The following CEP131 variants were observed in gnomAD, a reference collection of about 807,000 sequenced individuals.
CEP131 encodes the protein centrosomal protein of 131 kDa.
In CEP131, 99 loss-of-function variants were observed where a neutral mutation model predicts 136.8. The observed-to-expected ratio is 0.72, with a 90% CI of 0.62 to 0.86. The LOEUF is 0.86. Among genes scored for constraint, CEP131 ranks in the 40% least tolerant of loss-of-function variants. The pLI, the probability that CEP131 is intolerant of heterozygous loss-of-function variation, is 0.00. For synonymous variants in CEP131, 646 were observed against 612.7 expected (o/e 1.05, Z -0.80); for missense variants, 1,459 against 1,463.0 (o/e 1.00, Z 0.04).
Position 81,194,990 on chromosome 17 carries a change from C to T in CEP131, c.2017-18G>A. On this transcript the variant is annotated intron_variant, in intron 16 of 25. Coordinates refer to ENST00000450824, the MANE Select transcript of CEP131 (RefSeq NM_014984.4). The stretch of plus-strand genomic sequence containing the variant: ...TTAATCTCCTACGAGCAGAACAGGG[C>T]AGGAGGAAACGACACGAAGGACACC... 1 of 1,595,900 alleles carries T rather than the reference C, an allele frequency of 6.3e-7. No individual in the cohort carries two copies. Among genetic ancestry groups the T allele is most frequent in the Non-Finnish European group, 8.6e-7 (1 of 1,169,534 alleles).
At chr17:81,191,164 C>A (rs751045772) in intron 22 of CEP131, 29 bp downstream of exon 22, 1 of 1,610,226 alleles carries the variant, frequency 6.2e-7, no homozygotes, top group African/African-American at 1.3e-5. Context: ...GCCTCCCCAG[C>A]TGGTGACCCA....
chr17:81,199,081 A>G (rs1307749558), intron 10 of CEP131, 110 bp from the exon 11 acceptor site: 3 of 1,112,056 alleles, frequency 2.7e-6, no homozygotes, highest in Non-Finnish European at 3.7e-6. Context: ...AGGCGACCCC[A>G]GAAGCAGAGG....
At position 81,202,733 on chromosome 17, in the gene CEP131, G is replaced by A. The variant is rs138878874; in HGVS notation, c.630-335C>T. Among the ~76,000 whole-genome samples the A allele has an allele frequency of 4.5e-3, 682 of 152,276 alleles. 1 individual carries two copies. Among genetic ancestry groups the A allele is most frequent in the Non-Finnish European group, 5.5e-3 (375 of 68,024 alleles). The stretch of plus-strand genomic sequence containing the variant: ...TCCCAGCACTTTGGGAGGCCAAAGC[G>A]GGCGGATCACCTGAGGTCACGAGTT... On this transcript the variant is annotated intron_variant, in intron 6 of 25. Transcript: ENST00000450824.
chr17:81,217,150 A>G (rs1445619262), intron 2 of CEP131, among the ~76,000 whole-genome samples: 1 of 152,206 alleles, frequency 6.6e-6, no homozygotes, highest in African/African-American at 2.4e-5. Context: ...AGGGAACCAG[A>G]GTGAATAATG....
chr17:81,220,791 G>A (rs1262075919), intron 1 of CEP131, among the ~76,000 whole-genome samples: 5 of 149,490 alleles, frequency 3.3e-5, no homozygotes, highest in Admixed American at 2.0e-4. Context: ...ATGAGCCACC[G>A]TACCCGGCCC....
rs547389333 is a variant in CEP131, at chr17:81,219,542, C to T, written c.177+338G>A. The stretch of plus-strand genomic sequence containing the variant: ...TGAACTGCTGACCTCAGATGACCCG[C>T]CTGCCTCGGCCTCCCAAAGTGCTGA... On this transcript the variant is annotated intron_variant, in intron 2 of 25. Coordinates refer to ENST00000450824, the MANE Select transcript of CEP131 (RefSeq NM_014984.4). This position sits in a 1 kb window ranked among gnomAD's most constrained non-coding sequence, Gnocchi z 4.0. Among the ~76,000 whole-genome samples the T allele has an allele frequency of 2.6e-5, 4 of 152,236 alleles. No individual in the cohort carries two copies. The South Asian group carries it at 8.3e-4, about 32-fold the overall frequency.
At chr17:81,193,602 C>T (rs1168587656) in intron 18 of CEP131, among the ~76,000 whole-genome samples, 1 of 152,216 alleles carries the variant, frequency 6.6e-6, no homozygotes, top group Non-Finnish European at 1.5e-5. Context: ...GGCCGCCTAT[C>T]CACGGGTTGC....
At chr17:81,192,246 GGGGCAGCCCCCAACTCCTGCCCACGCA>G (rs1041619184) in intron 21 of CEP131, 45 bp downstream of exon 21, 197 of 1,446,890 alleles carry the variant, frequency 1.4e-4, no homozygotes, top group Admixed American at 3.7e-4. Flanking sequence ...AAACCCACCT[GGGGCAGCCCCCAACTCCTGCCCACGCA>G]GGGCAGCCCC....
At chr17:81,197,672 C>T (rs2146546667) in intron 13 of CEP131, 40 bp downstream of exon 13, 1 of 1,580,478 alleles carries the variant, frequency 6.3e-7, no homozygotes, top group South Asian at 1.1e-5. Flanking sequence ...TGAGGGGCCT[C>T]CTCCCACTGG....
At position 81,190,823 on chromosome 17, in the gene CEP131, G is replaced by C. The variant is rs746761505; in HGVS notation, c.2944-21C>G. ...TTCACCTGGGTGGGCACAGAAGGCA[G>C]TGAGCCGGCTGCCAGCGACTGGCTG... is the stretch of plus-strand genomic sequence containing the variant. On this transcript the variant is annotated intron_variant, in intron 23 of 25. Coordinates refer to ENST00000450824, the MANE Select transcript of CEP131 (RefSeq NM_014984.4). 6 of 1,594,934 alleles carry C rather than the reference G, an allele frequency of 3.8e-6. No homozygotes were observed. In the South Asian group the frequency reaches 5.6e-5, roughly 15 times the overall value.
chr17:81,199,888 G>T, intron 8 of CEP131, 53 bp from the exon 9 acceptor site: 1 of 1,574,338 alleles, frequency 6.4e-7, no homozygotes, highest in South Asian at 1.1e-5. Context: ...ACGGAATCCA[G>T]ACCCAGACCA....
In CEP131 at chr17:81,208,943, C is replaced by G. The variant is rs143028785; in HGVS notation, c.257G>C (p.Arg86Pro). 1.2e-6 allele frequency: 2 copies of G among 1,613,718 alleles called. No homozygotes were observed. The highest frequency in any genetic ancestry group is 1.7e-5 in the Admixed American group (1 of 60,012). Reference protein sequence around the residue: ...SNSTTQVSQPRSGSPRPTEPT... With the variant: ...SNSTTQVSQPPSGSPRPTEPT... ...TAGGGGTTACCTGGGGGAGCCGCTCCGAGGCTGGCTGACCTGCGTGGTGCT... is the reference window on the plus strand; with the variant it reads ...TAGGGGTTACCTGGGGGAGCCGCTCGGAGGCTGGCTGACCTGCGTGGTGCT... The change falls in exon 3 of 26, where the codon CGG (arginine) becomes CCG (proline). Residue 86 changes from arginine (R) to proline (P), a missense_variant. Physicochemically the swap from Arg to Pro is moderately radical, Grantham distance 103. This residue lies in a region of CEP131 where 187 missense variants were observed against 179.9 expected (regional missense o/e 1.04). Transcript: ENST00000450824. This position sits in a 1 kb window ranked among gnomAD's most constrained non-coding sequence, Gnocchi z 5.6.
At chr17:81,207,325 A>G in intron 3 of CEP131, 86 bp from the exon 4 acceptor site, 1 of 1,185,342 alleles carries the variant, frequency 8.4e-7, no homozygotes, top group Non-Finnish European at 1.2e-6. Flanking sequence ...AGGTCCCGCG[A>G]GGACAGAGGG....
Position 81,202,212 on chromosome 17 carries a change from C to A in CEP131, c.788+28G>T, listed in dbSNP as rs201757869. On this transcript the variant is annotated intron_variant, in intron 7 of 25. Coordinates refer to ENST00000450824, the MANE Select transcript of CEP131 (RefSeq NM_014984.4). ...CCACCTCTGTGTTCTAGGCTCAGGCCCCCCCCCACCGCCCCAAGATCGGTC... is the reference window on the plus strand; with the variant it reads ...CCACCTCTGTGTTCTAGGCTCAGGCACCCCCCCACCGCCCCAAGATCGGTC... The A allele has an allele frequency of 2.0e-4, 309 of 1,508,052 alleles. 1 individual carries two copies. The East Asian group carries it at 6.1e-3, about 30-fold the overall frequency. The allele number at this position is 1,508,052 out of a possible 1,614,324, so 93.4% of individuals were successfully genotyped here. A position where few individuals can be genotyped will look rare whatever the true frequency, so the allele number is the denominator to read the frequency against.
chr17:81,217,917 G>A (rs548500690), intron 2 of CEP131, among the ~76,000 whole-genome samples: 19 of 152,262 alleles, frequency 1.2e-4, no homozygotes, highest in South Asian at 6.2e-4. Context: ...TGGCCATGCC[G>A]CCGAAAGACC....
chr17:81,201,839 C>T (rs548629975), intron 7 of CEP131, among the ~76,000 whole-genome samples: 18 of 152,292 alleles, frequency 1.2e-4, no homozygotes, highest in Admixed American at 9.1e-4. Flanking sequence ...TGGTGGCTCA[C>T]GCCTGTAATC....
chr17:81,195,098 G>A (rs1014803908), intron 16 of CEP131, 126 bp from the exon 17 acceptor site: 3 of 699,822 alleles, frequency 4.3e-6, no homozygotes, highest in Non-Finnish European at 7.2e-6. Context: ...ATGGTTGGGT[G>A]TGCTGCCCCG....
At chr17:81,198,009 A>T (rs2061803397) in intron 12 of CEP131, 106 bp downstream of exon 12, 1 of 1,489,520 alleles carries the variant, frequency 6.7e-7, no homozygotes, top group Non-Finnish European at 8.9e-7. Flanking sequence ...TAAAGCCAGG[A>T]GGAGCCTGTG....
intron 24 of CEP131, 104 bp from the exon 25 acceptor site, chr17:81,190,079 C>T (rs544899244): frequency 1.9e-6 from 2 of 1,054,952 alleles, no homozygotes; most frequent in African/African-American, 1.6e-5. Context: ...TCAGCCTGGT[C>T]CCAGCCCTGC....
Sources: gnomAD v4.1 joint callset for allele counts (sites outside exome capture counted in the v4.1 genomes callset) on GRCh38, gnomAD v4.1.1 for gene constraint, gnomAD v4.1.1 regional missense constraint, Gnocchi (gnomAD v3.1) non-coding constraint, MANE v1.5 for transcripts, NCBI Gene and HGNC (gene_info 2026-07-23, HGNC 2026-07-21) for gene names.